ADGRL3: variants seen among roughly 807,000 people sequenced by gnomAD.
The protein encoded by ADGRL3 is adhesion G protein-coupled receptor L3, also known as calcium-independent alpha-latrotoxin receptor 3.
Under a neutral mutation model 153.5 loss-of-function variants are expected in ADGRL3, and 62 were observed. The observed-to-expected ratio is 0.40, with a 90% confidence interval of 0.33 to 0.50. The LOEUF (loss-of-function observed/expected upper bound fraction) is 0.50, where lower values mean the gene tolerates loss of function less well. Among genes scored for constraint, ADGRL3 ranks in the 20% least tolerant of loss-of-function variants. The pLI is 0.47. For synonymous variants in ADGRL3, 710 were observed against 672.5 expected (o/e 1.06, Z -0.86); for missense variants, 1,641 against 1,859.4 (o/e 0.88, Z 2.16).
intron 26 of ADGRL3, among the ~76,000 whole-genome samples, 160 bp from the exon 27 acceptor site, chr4:62,069,949 T>C (rs371270592): frequency 7.2e-5 from 11 of 152,220 alleles, no homozygotes; most frequent in African/African-American, 2.2e-4. Context: ...TATATAGATT[T>C]AATAGTATTT....
At chr4:61,346,690 G>C (rs1330599313) in intron 1 of ADGRL3, among the ~76,000 whole-genome samples, 1 of 150,280 alleles carries the variant, frequency 6.7e-6, no homozygotes, top group East Asian at 2.0e-4. Flanking sequence ...CAAGAGGACT[G>C]CATTAGCCCA....
At chr4:62,003,728 C>T (rs1384176508) in intron 21 of ADGRL3, among the ~76,000 whole-genome samples, 1 of 152,082 alleles carries the variant, frequency 6.6e-6, no homozygotes, top group Non-Finnish European at 1.5e-5. Flanking sequence ...TAGAATTTGA[C>T]TGGTTTTGTT....
intron 5 of ADGRL3, among the ~76,000 whole-genome samples, chr4:61,638,731 C>A (rs2093538501): frequency 6.6e-6 from 1 of 152,058 alleles, no homozygotes; most frequent in Non-Finnish European, 1.5e-5. Context: ...ACAGGAAAGG[C>A]TCAGTATAAT....
chr4:61,730,850 G>A (rs2096429161), intron 7 of ADGRL3, among the ~76,000 whole-genome samples: 1 of 151,790 alleles, frequency 6.6e-6, no homozygotes, highest in Non-Finnish European at 1.5e-5. Flanking sequence ...ATTTTCAACA[G>A]TGTATTTTAT....
At chr4:61,614,027 G>A (rs1333262567) in intron 5 of ADGRL3, among the ~76,000 whole-genome samples, 2 of 151,942 alleles carry the variant, frequency 1.3e-5, no homozygotes, top group South Asian at 2.1e-4. Flanking sequence ...ATTTCTCCAC[G>A]TTTATTTTTT....
At chr4:61,773,737 A>C (rs1378612158) in intron 8 of ADGRL3, among the ~76,000 whole-genome samples, 1 of 152,196 alleles carries the variant, frequency 6.6e-6, no homozygotes, top group East Asian at 1.9e-4. Context: ...TTAACAAGAG[A>C]AAAACAGGAG....
intron 2 of ADGRL3, among the ~76,000 whole-genome samples, chr4:61,466,861 T>A (rs2097891156): frequency 6.6e-6 from 1 of 152,080 alleles, no homozygotes; most frequent in Admixed American, 6.5e-5. Flanking sequence ...TTTTTTTATC[T>A]TGAGTGGCCA....
chr4:61,749,335 A>G (rs150868453), intron 8 of ADGRL3, among the ~76,000 whole-genome samples: 2 of 151,944 alleles, frequency 1.3e-5, no homozygotes, highest in East Asian at 3.9e-4. Flanking sequence ...AGAAATACCA[A>G]TTGACCCAGG....
chr4:61,975,951 G>A (rs1353430103), intron 17 of ADGRL3, among the ~76,000 whole-genome samples: 1 of 152,112 alleles, frequency 6.6e-6, no homozygotes, highest in Non-Finnish European at 1.5e-5. Context: ...TATAATATTT[G>A]ATATCTTATC....
At chr4:61,529,541 T>C (rs981012146) in intron 4 of ADGRL3, among the ~76,000 whole-genome samples, 7 of 152,158 alleles carry the variant, frequency 4.6e-5, no homozygotes, top group Admixed American at 6.6e-5. Flanking sequence ...ATCTGCTACT[T>C]ACAAAACTAT....
At chr4:61,663,392 G>T (rs2150619593) in intron 5 of ADGRL3, among the ~76,000 whole-genome samples, 1 of 152,338 alleles carries the variant, frequency 6.6e-6, no homozygotes, top group South Asian at 2.1e-4. Context: ...TTTGTACTAT[G>T]CCTGGTCCAG....
In ADGRL3 at chr4:62,037,863, A is replaced by T; in HGVS notation, c.3717+7A>T. On this transcript the variant is annotated splice_region_variant and intron_variant, in intron 24 of 26. Transcript: ENST00000683033. ...CTACTCCACAGGCTCACAGGTAAAC[A>T]ATATTTGTTCACTGAAATGAAGTAA... is the stretch of plus-strand genomic sequence containing the variant. 6.2e-7 allele frequency: 1 copy of T among 1,613,614 alleles called. No individual in the cohort carries two copies. The highest frequency in any genetic ancestry group is 8.5e-7 in the Non-Finnish European group (1 of 1,179,686).
chr4:61,227,460 C>T (rs902382592), intron 1 of ADGRL3, among the ~76,000 whole-genome samples: 3 of 152,130 alleles, frequency 2.0e-5, no homozygotes, highest in Non-Finnish European at 4.4e-5. Flanking sequence ...CCTTCCTCCT[C>T]GGCCTCCCAA....
chr4:61,869,936 TAAAAAAAAAAAAAAAAAAAA>T (rs1190618911), intron 9 of ADGRL3, among the ~76,000 whole-genome samples: 1 of 10,502 alleles, frequency 9.5e-5, no homozygotes, highest in Non-Finnish European at 2.6e-4. Flanking sequence ...AAAACTTTGT[TAAAAAAAAAAAAAAAAAAAA>T]AAAAAGAGAG....
chr4:61,486,156 G>A (rs766616561), intron 2 of ADGRL3, among the ~76,000 whole-genome samples: 2 of 152,052 alleles, frequency 1.3e-5, no homozygotes, highest in Non-Finnish European at 2.9e-5. Flanking sequence ...GTGTTAGCCA[G>A]GATGGTCTCG....
intron 4 of ADGRL3, among the ~76,000 whole-genome samples, chr4:61,565,576 C>T (rs938716228): frequency 1.3e-5 from 2 of 151,386 alleles, no homozygotes; most frequent in Non-Finnish European, 2.9e-5. Flanking sequence ...TCACTCTTGT[C>T]GCCCAGACTG....
chr4:61,241,272 G>A (rs903295556), intron 1 of ADGRL3, among the ~76,000 whole-genome samples: 18 of 151,944 alleles, frequency 1.2e-4, no homozygotes, highest in African/African-American at 4.1e-4. Flanking sequence ...TAAAGGTAAC[G>A]AAGGTGTTTG....
chr4:61,346,899 T>C (rs752127895), intron 1 of ADGRL3, among the ~76,000 whole-genome samples: 2 of 152,038 alleles, frequency 1.3e-5, no homozygotes, highest in African/African-American at 2.4e-5. Context: ...TTAGTACCAT[T>C]TTTAGAGGTC....
At chr4:61,324,348 G>T (rs536645253) in intron 1 of ADGRL3, among the ~76,000 whole-genome samples, 15 of 151,816 alleles carry the variant, frequency 9.9e-5, no homozygotes, top group Non-Finnish European at 1.9e-4. Context: ...ACCTGGAAGT[G>T]GAAATAAATA....
Sources: allele counts gnomAD v4.1 joint callset (sites outside exome capture counted in the v4.1 genomes callset), GRCh38; gene constraint gnomAD v4.1.1; transcripts MANE v1.5; gene names NCBI Gene and HGNC (gene_info 2026-07-23, HGNC 2026-07-21).